Variants in NKAIN2 observed in about 807,000 individuals in gnomAD.
NKAIN2 encodes sodium/potassium-transporting ATPase subunit beta-1-interacting protein 2.
A neutral mutation model predicts 32.6 loss-of-function variants in NKAIN2; 14 were observed. That is an observed-to-expected ratio of 0.43 (90% CI 0.28 to 0.67). The LOEUF is 0.67. Ranked by LOEUF, NKAIN2 falls within the 30% of genes least tolerant of loss-of-function variation. The pLI is 0.17. For missense variants in NKAIN2, 198 were observed against 258.3 expected (o/e 0.77, Z 1.60); for synonymous variants, 80 against 87.2 (o/e 0.92, Z 0.46).
chr6:123,860,284 T>TA (rs942353327), intron 1 of NKAIN2, among the ~76,000 whole-genome samples: 16 of 151,948 alleles, frequency 1.1e-4, no homozygotes, highest in African/African-American at 2.2e-4. Context: ...AATTTTTTGT[T>TA]AAAAAAAATG....
At chr6:124,393,058 C>T (rs1463697308) in intron 3 of NKAIN2, among the ~76,000 whole-genome samples, 1 of 152,048 alleles carries the variant, frequency 6.6e-6, no homozygotes, top group Non-Finnish European at 1.5e-5. Context: ...TCCTTTTGGA[C>T]TGTGTTTCTT....
chr6:124,709,488 A>G (rs1775313254), intron 4 of NKAIN2, among the ~76,000 whole-genome samples: 1 of 151,750 alleles, frequency 6.6e-6, no homozygotes, highest in Non-Finnish European at 1.5e-5. Context: ...TATGGTTGGT[A>G]AGCTATTGAT....
chr6:124,053,452 G>C (rs940003019), intron 1 of NKAIN2, among the ~76,000 whole-genome samples: 1 of 151,930 alleles, frequency 6.6e-6, no homozygotes, highest in Non-Finnish European at 1.5e-5. Context: ...CTTAAACCTC[G>C]GCAACAGGCT....
chr6:124,282,775 C>T (rs1795361493), intron 1 of NKAIN2, among the ~76,000 whole-genome samples: 1 of 152,142 alleles, frequency 6.6e-6, no homozygotes, highest in African/African-American at 2.4e-5. Context: ...CTTGATTCCT[C>T]CACAAAATCA....
At chr6:123,887,674 A>G (rs910491567) in intron 1 of NKAIN2, among the ~76,000 whole-genome samples, 2 of 152,136 alleles carry the variant, frequency 1.3e-5, no homozygotes, top group African/African-American at 4.8e-5. Flanking sequence ...AGATCTTACC[A>G]AAGATCTTCC....
At chr6:124,642,277 T>C (rs1047795780) in intron 3 of NKAIN2, among the ~76,000 whole-genome samples, 1 of 152,202 alleles carries the variant, frequency 6.6e-6, no homozygotes, top group African/African-American at 2.4e-5. Context: ...TTCTCAGCTG[T>C]TCTTCCTCGC....
At chr6:124,193,332 C>T (rs1790126425) in intron 1 of NKAIN2, among the ~76,000 whole-genome samples, 1 of 152,184 alleles carries the variant, frequency 6.6e-6, no homozygotes, top group Non-Finnish European at 1.5e-5. Flanking sequence ...TGTGGTCTGG[C>T]CACTGCCCAT....
At chr6:124,481,052 A>G (rs1777426258) in intron 3 of NKAIN2, among the ~76,000 whole-genome samples, 1 of 152,102 alleles carries the variant, frequency 6.6e-6, no homozygotes, top group Admixed American at 6.6e-5. Context: ...ATTTCATGCT[A>G]TGCACTGTTC....
intron 4 of NKAIN2, among the ~76,000 whole-genome samples, chr6:124,719,191 A>T (rs1358428856): frequency 1.3e-5 from 2 of 152,226 alleles, no homozygotes; most frequent in African/African-American, 4.8e-5. Context: ...TTGTGGTAAA[A>T]ATCCATTTCT....
At chr6:124,189,700 T>G (rs188662352) in intron 1 of NKAIN2, among the ~76,000 whole-genome samples, 1 of 151,974 alleles carries the variant, frequency 6.6e-6, no homozygotes. Flanking sequence ...AAATAAAAAA[T>G]AAAAAGCAAA....
chr6:124,173,469 C>A (rs2208782), intron 1 of NKAIN2, among the ~76,000 whole-genome samples: 138,743 of 152,112 alleles, frequency 0.91, 63,304 homozygotes, highest in South Asian at 0.94. Flanking sequence ...ACTAAATTTC[C>A]TCAAAGATTG....
rs1223404849 is a variant in NKAIN2 at position 124,163,700 on chromosome 6, A to T, written c.55-119305A>T. On this transcript the variant is annotated intron_variant, in intron 1 of 6. Coordinates refer to ENST00000368417, the MANE Select transcript of NKAIN2 (RefSeq NM_001040214.3). ...TTTGAGGATTTATTGCATTGAAAAAATTTGGTGATATTGAAAGAAATCCAA... is the reference window on the plus strand; with the variant it reads ...TTTGAGGATTTATTGCATTGAAAAATTTTGGTGATATTGAAAGAAATCCAA... Among the ~76,000 whole-genome samples the T allele has an allele frequency of 3.3e-5, 5 of 152,034 alleles. No individual in the cohort carries two copies. In the South Asian group the frequency reaches 1.0e-3, roughly 31 times the overall value.
At chr6:124,675,722 CTTCTT>C (rs1773326226) in intron 4 of NKAIN2, among the ~76,000 whole-genome samples, 2 of 150,542 alleles carry the variant, frequency 1.3e-5, no homozygotes, top group African/African-American at 5.0e-5. Flanking sequence ...GATTTTGAGT[CTTCTT>C]TTTTCTTTTT....
intron 1 of NKAIN2, among the ~76,000 whole-genome samples, chr6:124,019,818 G>T (rs1237554695): frequency 6.6e-6 from 1 of 151,884 alleles, no homozygotes; most frequent in African/African-American, 2.4e-5. Context: ...TCCCCATCCT[G>T]CCCTCACTGG....
At chr6:123,870,460 T>A (rs1772811362) in intron 1 of NKAIN2, among the ~76,000 whole-genome samples, 1 of 152,242 alleles carries the variant, frequency 6.6e-6, no homozygotes, top group East Asian at 1.9e-4. Flanking sequence ...AGAACAAAAA[T>A]CTTAGTGCTG....
At position 123,977,167 on chromosome 6, in the gene NKAIN2, C is replaced by T. The variant is rs372977579; in HGVS notation, c.54+172913C>T. ...TTCTTTTAATTTTTTGTAGAGACAGCGTCTCACTATGCTACCCAGGCTGGT... is the reference window on the plus strand; with the variant it reads ...TTCTTTTAATTTTTTGTAGAGACAGTGTCTCACTATGCTACCCAGGCTGGT... On this transcript the variant is annotated intron_variant, in intron 1 of 6. Transcript: ENST00000368417. Among the ~76,000 whole-genome samples the T allele has an allele frequency of 2.6e-4, 40 of 152,186 alleles. No homozygotes were observed. In the South Asian group the frequency reaches 6.8e-3, roughly 26 times the overall value.
chr6:124,372,900 ATT>A (rs754247076), intron 3 of NKAIN2, among the ~76,000 whole-genome samples: 4 of 152,142 alleles, frequency 2.6e-5, no homozygotes, highest in Non-Finnish European at 4.4e-5. Context: ...ATAACTCGTA[ATT>A]TTCCTCAGCT....
intron 1 of NKAIN2, among the ~76,000 whole-genome samples, chr6:123,901,015 G>A (rs555707205): frequency 2.0e-5 from 3 of 152,248 alleles, no homozygotes; most frequent in Non-Finnish European, 2.9e-5. Flanking sequence ...TTTACCCTGC[G>A]TATCATTCCA....
intron 3 of NKAIN2, among the ~76,000 whole-genome samples, chr6:124,552,843 C>T (rs768167706): frequency 3.5e-4 from 53 of 152,208 alleles, no homozygotes; most frequent in Non-Finnish European, 7.1e-4. Flanking sequence ...CAAACTAGTA[C>T]ACAACTAGTA....
Sources: gnomAD v4.1 joint callset for allele counts (sites outside exome capture counted in the v4.1 genomes callset) on GRCh38, gnomAD v4.1.1 for gene constraint, MANE v1.5 for transcripts, NCBI Gene and HGNC (gene_info 2026-07-23, HGNC 2026-07-21) for gene names.